Variants in NRK observed in about 807,000 individuals in gnomAD.
NRK encodes the protein nik-related protein kinase.
In NRK, 67 loss-of-function variants were observed where a neutral mutation model predicts 125.2. The ratio of observed to expected loss-of-function variants is 0.54; its 90% CI spans 0.44 to 0.66. The LOEUF is 0.66. NRK is among the 30% of genes least tolerant of loss of function. The pLI is 0.00. For synonymous variants in NRK, 458 were observed against 429.0 expected (o/e 1.07, Z -0.84); for missense variants, 1,224 against 1,192.9 (o/e 1.03, Z -0.38).
Position 105,881,792 on chromosome X carries a change from A to C in NRK, c.252+13A>C. Reference sequence around the variant, plus strand: ...GTGGAGATACAGTGTGAGTACTAAAAGTTCTCATTAATACCCAAGTAGTCT... The same window carrying C: ...GTGGAGATACAGTGTGAGTACTAAACGTTCTCATTAATACCCAAGTAGTCT... On this transcript the variant is annotated intron_variant, in intron 4 of 28. Coordinates refer to ENST00000243300, the MANE Select transcript of NRK (RefSeq NM_198465.4). 1.0e-6 allele frequency: 1 copy of C among 976,009 alleles called. No individual in the cohort carries two copies. Among genetic ancestry groups the C allele is most frequent in the Non-Finnish European group, 1.4e-6 (1 of 699,031 alleles). 80.4% of individuals were successfully genotyped at this position (976,009 alleles called of 1,213,427 possible).
In NRK at chrX:105,886,322, A is replaced by G. The variant is rs764422175; in HGVS notation, c.253-1972A>G. 3.0e-3 allele frequency among the ~76,000 whole-genome samples: 327 copies of G among 107,377 alleles called. 4 individuals are homozygous for G. The highest frequency in any genetic ancestry group is 0.01 in the African/African-American group (302 of 29,714). 93.2% of individuals were successfully genotyped at this position (107,377 alleles called of 115,157 possible). ...AGAATATTAAAAATAATAAGAGCTT[A>G]TTTGGATTTTTTAAATGACACACAC... On this transcript the variant is annotated intron_variant, in intron 4 of 28. Coordinates refer to ENST00000243300, the MANE Select transcript of NRK (RefSeq NM_198465.4).
intron 10 of NRK, among the ~76,000 whole-genome samples, chrX:105,906,083 A>G (rs2040215579): frequency 8.9e-6 from 1 of 112,033 alleles, no homozygotes; most frequent in Admixed American, 9.5e-5. Context: ...CGATCAATCT[A>G]GTCTTGCAGA....
intron 16 of NRK, 42 bp downstream of exon 16, chrX:105,917,714 T>C (rs372803693): frequency 1.5e-6 from 1 of 646,370 alleles, no homozygotes; most frequent in Non-Finnish European, 2.3e-6. Flanking sequence ...AACACAGAGC[T>C]ACTGTTTAAC....
At chrX:105,862,985 G>A (rs1361785784) in intron 2 of NRK, among the ~76,000 whole-genome samples, 1 of 112,116 alleles carries the variant, frequency 8.9e-6, no homozygotes, top group African/African-American at 3.2e-5. Flanking sequence ...GAGAAGTTAT[G>A]TACTATTTAT....
intron 2 of NRK, among the ~76,000 whole-genome samples, chrX:105,862,333 G>A (rs2039613848): frequency 9.0e-6 from 1 of 110,548 alleles, no homozygotes; most frequent in Non-Finnish European, 1.9e-5. Flanking sequence ...TTTTGAATAA[G>A]GTAATATATA....
Position 105,909,589 on chromosome X carries a change from G to A in NRK, c.1948G>A (p.Ala650Thr). 3 of 1,205,172 alleles carry A rather than the reference G, an allele frequency of 2.5e-6. No individual in the cohort carries two copies. The highest frequency in any genetic ancestry group is 3.4e-6 in the Non-Finnish European group (3 of 891,619). ...GGGACTATCAAGAGACTTGCTTCGGGCACCAAACTCAAATAACTCAAAGCC... is the reference window on the plus strand; with the variant it reads ...GGGACTATCAAGAGACTTGCTTCGGACACCAAACTCAAATAACTCAAAGCC... ...IEGLSRDLLR[A>T]PNSNNSKPLG... Residue 650 changes from alanine to threonine, a missense_variant, in exon 13 of 29, where the codon GCA becomes ACA. Ala to Thr is a moderately conservative substitution (Grantham distance 58). Transcript: ENST00000243300.
chrX:105,851,625 A>G (rs1047766753), intron 2 of NRK, among the ~76,000 whole-genome samples: 6 of 112,007 alleles, frequency 5.4e-5, no homozygotes, highest in African/African-American at 1.9e-4. Flanking sequence ...GGCACATGGC[A>G]GGTAAATTAT....
chrX:105,837,171 G>T (rs750748905), intron 2 of NRK, among the ~76,000 whole-genome samples: 3 of 111,173 alleles, frequency 2.7e-5, no homozygotes, highest in Non-Finnish European at 5.7e-5. Flanking sequence ...GTGAATTAAC[G>T]ATTAGAATAG....
intron 28 of NRK, among the ~76,000 whole-genome samples, chrX:105,953,624 G>A (rs904263231): frequency 2.7e-5 from 3 of 111,776 alleles, no homozygotes; most frequent in African/African-American, 9.7e-5. Context: ...TAGGCCTTGT[G>A]CTAGATACTT....
Position 105,911,081 on chromosome X carries a change from A to G in NRK, c.2241+1199A>G, listed in dbSNP as rs757575280. On this transcript the variant is annotated intron_variant, in intron 13 of 28. Transcript: ENST00000243300. ...GCTAAACGTGCTGCAAGCTTGGTATATTTTTGTTTCTTCCCCTCTCTTCTT... is the reference window on the plus strand; with the variant it reads ...GCTAAACGTGCTGCAAGCTTGGTATGTTTTTGTTTCTTCCCCTCTCTTCTT... 3.6e-5 allele frequency among the ~76,000 whole-genome samples: 4 copies of G among 111,240 alleles called. No individual in the cohort carries two copies. In the South Asian group the frequency reaches 1.5e-3, roughly 43 times the overall value.
At chrX:105,826,054 C>CTA (rs1326559438) in intron 1 of NRK, among the ~76,000 whole-genome samples, 75 of 98,601 alleles carry the variant, frequency 7.6e-4, no homozygotes, top group African/African-American at 1.4e-3. Context: ...CTCTCTCTCT[C>CTA]TCTATATATA....
At chrX:105,838,761 A>G (rs951663267) in intron 2 of NRK, among the ~76,000 whole-genome samples, 3 of 109,709 alleles carry the variant, frequency 2.7e-5, no homozygotes, top group African/African-American at 6.6e-5. Flanking sequence ...GTGAGCATCC[A>G]TCCTTGAAAG....
At chrX:105,942,119 G>A (rs981472660) in intron 23 of NRK, among the ~76,000 whole-genome samples, 8 of 111,825 alleles carry the variant, frequency 7.2e-5, no homozygotes, top group Admixed American at 2.9e-4. Context: ...ACATGTATCA[G>A]CAATTCCTTT....
chrX:105,871,705 A>G (rs2039750333), intron 2 of NRK, among the ~76,000 whole-genome samples: 1 of 111,494 alleles, frequency 9.0e-6, no homozygotes, highest in South Asian at 3.7e-4. Context: ...TGGCAAAAGG[A>G]ACTTAAGATG....
At chrX:105,884,666 A>C (rs1175910185) in intron 4 of NRK, among the ~76,000 whole-genome samples, 1 of 112,448 alleles carries the variant, frequency 8.9e-6, no homozygotes, top group Non-Finnish European at 1.9e-5. Flanking sequence ...GGGGAGAACT[A>C]AAGAAAATTG....
rs765801387 is a variant in NRK, at chrX:105,860,750, A to G, written c.124-19449A>G. On this transcript the variant is annotated intron_variant, in intron 2 of 28. Transcript: ENST00000243300. ...TGGCAAAAACTGCAATTACTTTTGC[A>G]CCAACCTAATAGTTTTCAGTTTATT... Among the ~76,000 whole-genome samples, 171 of 110,692 alleles carry G rather than the reference A, an allele frequency of 1.5e-3. 1 individual carries two copies. Among genetic ancestry groups the G allele is most frequent in the African/African-American group, 5.5e-3 (168 of 30,581 alleles).
intron 23 of NRK, among the ~76,000 whole-genome samples, chrX:105,940,501 G>A (rs1349783734): frequency 9.1e-6 from 1 of 110,431 alleles, no homozygotes; most frequent in African/African-American, 3.3e-5. Context: ...TCCTAATACT[G>A]TCCAGGAAAC....
chrX:105,941,927 C>A (rs1019226659), intron 23 of NRK, among the ~76,000 whole-genome samples: 27 of 110,538 alleles, frequency 2.4e-4, no homozygotes, highest in African/African-American at 6.9e-4. Flanking sequence ...TTACTTCCCC[C>A]TCTACCACTC....
intron 2 of NRK, among the ~76,000 whole-genome samples, chrX:105,861,258 G>A (rs1336228668): frequency 1.8e-5 from 2 of 111,964 alleles, no homozygotes; most frequent in African/African-American, 3.2e-5. Flanking sequence ...TGCTTATTGG[G>A]CATTTATGTC....
Sources: gnomAD v4.1 joint callset for allele counts (sites outside exome capture counted in the v4.1 genomes callset) on GRCh38, gnomAD v4.1.1 for gene constraint, MANE v1.5 for transcripts, NCBI Gene and HGNC (gene_info 2026-07-23, HGNC 2026-07-21) for gene names.